EIF1AX: variants seen among roughly 807,000 people sequenced by gnomAD.
EIF1AX encodes eukaryotic translation initiation factor 1A, X-chromosomal.
In EIF1AX, 1 loss-of-function variant was observed where a neutral mutation model predicts 16.1. That is an observed-to-expected ratio of 0.06 (90% CI 0.02 to 0.30). The LOEUF is 0.30. Among genes scored for constraint, EIF1AX ranks in the 10% least tolerant of loss-of-function variants. EIF1AX has a pLI of 1.00. For synonymous variants in EIF1AX, 32 were observed against 37.3 expected (o/e 0.86, Z 0.51); for missense variants, 11 against 109.1 (o/e 0.10, Z 4.00).
At chrX:20,132,374 T>C (rs2067003954) in intron 4 of EIF1AX, 111 bp from the exon 5 acceptor site, 1 of 520,968 alleles carries the variant, frequency 1.9e-6, no homozygotes, top group Admixed American at 4.1e-5. Flanking sequence ...TTACTATAAA[T>C]CTTTCTCCTT....
chrX:20,135,373 G>C (rs141002864), intron 3 of EIF1AX, among the ~76,000 whole-genome samples: 1,134 of 110,666 alleles, frequency 0.01, 23 homozygotes, highest in African/African-American at 0.034. Context: ...TTGAACCAAT[G>C]AGGGTGAGGT....
intron 6 of EIF1AX, among the ~76,000 whole-genome samples, chrX:20,130,034 G>T (rs1368825600): frequency 1.8e-5 from 2 of 111,159 alleles, no homozygotes; most frequent in South Asian, 3.8e-4. Context: ...GGGCATGGTG[G>T]CTCACGCCTG....
At chrX:20,140,076 C>T (rs750302151) in intron 1 of EIF1AX, 2 of 112,362 alleles carry the variant, frequency 1.8e-5, no homozygotes, top group East Asian at 5.6e-4. Flanking sequence ...ATTAAAGTGA[C>T]ATCAACATTC....
rs901078390 is a variant in EIF1AX at position 20,125,487 on chromosome X, T to C, written c.*2819A>G. 2.8e-4 allele frequency: 48 copies of C among 169,945 alleles called. No individual in the cohort carries two copies. The highest frequency in any genetic ancestry group is 2.4e-4 in the Non-Finnish European group (21 of 88,780). The allele number at this position is 169,945 out of a possible 1,213,427, so 14.0% of individuals were successfully genotyped here. On this transcript the variant is annotated 3_prime_UTR_variant, in exon 7 of 7. Coordinates refer to ENST00000379607, the MANE Select transcript of EIF1AX (RefSeq NM_001412.4). ...ACGAAGTAGAATAAAGATAAGCATTTCATACCAATACAAATCATTTTCATC... is the reference window on the plus strand; with the variant it reads ...ACGAAGTAGAATAAAGATAAGCATTCCATACCAATACAAATCATTTTCATC...
rs1237980265 is a variant in EIF1AX, at chrX:20,127,088, T to TATTA, written c.*1214_*1217dup. On this transcript the variant is annotated 3_prime_UTR_variant, in exon 7 of 7. Coordinates refer to ENST00000379607, the MANE Select transcript of EIF1AX (RefSeq NM_001412.4). Reference sequence around the variant, plus strand: ...AACTAGCTCAGCCCTAGTTTCATTTTATTAGAGTTGACCACTAAAAACTAA... The same window carrying TATTA: ...AACTAGCTCAGCCCTAGTTTCATTTTATTAATTAGAGTTGACCACTAAAAACTAA... The TATTA allele has an allele frequency of 6.8e-6, 1 of 147,612 alleles. No homozygotes were observed. Among genetic ancestry groups the TATTA allele is most frequent in the African/African-American group, 3.0e-5 (1 of 33,220 alleles). The allele number at this position is 147,612 out of a possible 1,213,427, so 12.2% of individuals were successfully genotyped here.
chrX:20,129,816 C>T (rs1016513691), intron 6 of EIF1AX, among the ~76,000 whole-genome samples: 12 of 112,248 alleles, frequency 1.1e-4, no homozygotes, highest in African/African-American at 3.9e-4. Context: ...ATTCTTTCAA[C>T]ACACTAATAT....
chrX:20,140,778 G>A (rs1285228044), intron 1 of EIF1AX, among the ~76,000 whole-genome samples: 5 of 111,324 alleles, frequency 4.5e-5, no homozygotes, highest in African/African-American at 1.3e-4. Context: ...CAAGTTATAC[G>A]GCTATTAAAA....
In EIF1AX at chrX:20,128,278, A is replaced by C. The variant is rs751215213; in HGVS notation, c.*28T>G. On this transcript the variant is annotated 3_prime_UTR_variant, in exon 7 of 7. Transcript: ENST00000379607. The stretch of plus-strand genomic sequence containing the variant: ...CAAATTGTAGGACAATCTTCAGAAA[A>C]GATGGAATGTAAAATGTTGAGTTCA... 35 of 1,183,540 alleles carry C rather than the reference A, an allele frequency of 3.0e-5. No individual in the cohort carries two copies. The highest frequency in any genetic ancestry group is 4.0e-5 in the Non-Finnish European group (35 of 877,212).
chrX:20,138,424 G>A (rs1048735349), intron 2 of EIF1AX, 115 bp downstream of exon 2: 5 of 599,970 alleles, frequency 8.3e-6, no homozygotes, highest in African/African-American at 6.8e-5. Context: ...GGCTGTAATC[G>A]TGCCACCACA....
chrX:20,124,694 G>A lies in EIF1AX; in HGVS notation c.*3612C>T, dbSNP rs763870359. 7.1e-6 allele frequency: 1 copy of A among 141,112 alleles called. No individual in the cohort carries two copies. Among genetic ancestry groups the A allele is most frequent in the African/African-American group, 3.1e-5 (1 of 32,026 alleles). The allele number at this position is 141,112 out of a possible 1,213,427, so 11.6% of individuals were successfully genotyped here. On this transcript the variant is annotated 3_prime_UTR_variant, in exon 7 of 7. Transcript: ENST00000379607. ...GATTTAAGAATAAAATATTATCAGA[G>A]GTATCAATATTAATAACTATAATCT...
Position 20,125,173 on chromosome X carries a change from T to C in EIF1AX, c.*3133A>G, listed in dbSNP as rs764113562. On this transcript the variant is annotated 3_prime_UTR_variant, in exon 7 of 7. Transcript: ENST00000379607. ...AAGTAAGGGTGGGGGCAAAGGCCCT[T>C]TGACCCCAGGATCCATGCTCTCCCC... The C allele has an allele frequency of 3.0e-4, 47 of 154,222 alleles. No homozygotes were observed. The highest frequency in any genetic ancestry group is 1.4e-3 in the African/African-American group (46 of 32,793). 12.7% of individuals were successfully genotyped at this position (154,222 alleles called of 1,213,427 possible). A position where few individuals can be genotyped will look rare whatever the true frequency, so the allele number is the denominator to read the frequency against.
chrX:20,128,651 C>G (rs950707078), intron 6 of EIF1AX, among the ~76,000 whole-genome samples: 1 of 112,133 alleles, frequency 8.9e-6, no homozygotes, highest in African/African-American at 3.2e-5. Flanking sequence ...CTGAGTCAAT[C>G]TGGTTATAGT....
rs1038196001 is a variant in EIF1AX at position 20,133,855 on chromosome X, C to T, written c.255+102G>A. 4.8e-6 allele frequency: 3 copies of T among 620,559 alleles called. No homozygotes were observed. In the African/African-American group the frequency reaches 7.0e-5, roughly 14 times the overall value. The allele number at this position is 620,559 out of a possible 1,213,427, so 51.1% of individuals were successfully genotyped here. On this transcript the variant is annotated intron_variant, in intron 4 of 6. Transcript: ENST00000379607. ...CCAGATTTTGATTTAAACATAAATC[C>T]CTGGGATACCTAGCACAATGCCTGA... is the stretch of plus-strand genomic sequence containing the variant.
chrX:20,141,603 C>A (rs1163662614), intron 1 of EIF1AX, 22 bp downstream of exon 1: 1 of 1,152,252 alleles, frequency 8.7e-7, no homozygotes, highest in East Asian at 3.4e-5. Flanking sequence ...GAGCCGTGGT[C>A]CGGGGGTCCG....
At chrX:20,132,422 T>A (rs1051627214) in intron 4 of EIF1AX, among the ~76,000 whole-genome samples, 159 bp from the exon 5 acceptor site, 1 of 111,977 alleles carries the variant, frequency 8.9e-6, no homozygotes, top group Non-Finnish European at 1.9e-5. Flanking sequence ...CTGAAAAAGA[T>A]CCTTAGGTTT....
intron 6 of EIF1AX, among the ~76,000 whole-genome samples, chrX:20,129,228 G>A (rs1302265236): frequency 9.0e-6 from 1 of 111,192 alleles, no homozygotes. Context: ...TCTTGGTCAG[G>A]AACAACTGCT....
intron 5 of EIF1AX, 129 bp from the exon 6 acceptor site, chrX:20,130,736 T>A: frequency 4.9e-6 from 3 of 610,896 alleles, no homozygotes; most frequent in Non-Finnish European, 6.8e-6. Context: ...TCCTGCAGTG[T>A]CACTGCTAAG....
In EIF1AX at chrX:20,130,537, A is replaced by G. The variant is rs112617226; in HGVS notation, c.408T>C (p.Asp136=). The G allele has an allele frequency of 4.5e-3, 5,276 of 1,184,719 alleles. 177 individuals are homozygous for G. In the African/African-American group the frequency reaches 0.084, roughly 19 times the overall value. ...DDEIQFDDIG[D]DDEDIDDI is the part of the protein sequence containing the mutation. Reference sequence around the variant, plus strand: ...TTACGTCATCAATATCTTCATCATCATCTCCAATGTCATCAAACTGAATTT... The same window carrying G: ...TTACGTCATCAATATCTTCATCATCGTCTCCAATGTCATCAAACTGAATTT... The change falls in exon 6 of 7, where the codon GAT becomes GAC. Residue 136 remains aspartate (D), a synonymous_variant. Transcript: ENST00000379607.
chrX:20,130,684 A>G, intron 5 of EIF1AX, 77 bp from the exon 6 acceptor site: 2 of 919,960 alleles, frequency 2.2e-6, no homozygotes, highest in South Asian at 3.8e-5. Context: ...CATTCCTTTT[A>G]TATAAGACAA....
Sources: gnomAD v4.1 joint callset for allele counts (sites outside exome capture counted in the v4.1 genomes callset) on GRCh38, gnomAD v4.1.1 for gene constraint, MANE v1.5 for transcripts, NCBI Gene and HGNC (gene_info 2026-07-23, HGNC 2026-07-21) for gene names.